The following CDYL2 variants were observed in gnomAD, a reference collection of about 807,000 sequenced individuals.
CDYL2 encodes chromodomain Y-like protein 2.
Under a neutral mutation model 49.4 loss-of-function variants are expected in CDYL2, and 23 were observed. The ratio of observed to expected loss-of-function variants is 0.47; its 90% CI spans 0.34 to 0.66. CDYL2 has a LOEUF of 0.66. CDYL2 is among the 30% of genes least tolerant of loss of function. The pLI is 0.01. For missense variants in CDYL2, 678 were observed against 656.4 expected, an observed-to-expected ratio of 1.03 and a Z score of -0.36; for synonymous variants, 360 against 268.8, an observed-to-expected ratio of 1.34 and a Z score of -3.32.
chr16:80,721,962 T>C (rs915750052), intron 1 of CDYL2, among the ~76,000 whole-genome samples: 5 of 152,196 alleles, frequency 3.3e-5, no homozygotes, highest in African/African-American at 9.7e-5. Flanking sequence ...AGTTCTGGTG[T>C]CTGTTAGCTG....
intron 2 of CDYL2, among the ~76,000 whole-genome samples, chr16:80,664,917 T>A (rs1297343186): frequency 6.6e-6 from 1 of 152,210 alleles, no homozygotes; most frequent in Admixed American, 6.5e-5. Flanking sequence ...AAGGGCTCAG[T>A]AAATGCTGGC....
chr16:80,618,985 C>G (rs1200290991), intron 4 of CDYL2, among the ~76,000 whole-genome samples: 1 of 152,120 alleles, frequency 6.6e-6, no homozygotes, highest in African/African-American at 2.4e-5. Context: ...TTCTGGAGAC[C>G]AGAACTCCAA....
intron 1 of CDYL2, among the ~76,000 whole-genome samples, chr16:80,783,575 G>A (rs1907340497): frequency 6.6e-6 from 1 of 152,042 alleles, no homozygotes; most frequent in Admixed American, 6.5e-5. Flanking sequence ...ATGGAAAAGT[G>A]GAAACAACCT....
chr16:80,763,251 T>G (rs1010816061), intron 1 of CDYL2, among the ~76,000 whole-genome samples: 1 of 152,298 alleles, frequency 6.6e-6, no homozygotes. Flanking sequence ...GAACCACAAG[T>G]AACGAGAATC....
chr16:80,727,646 G>A (rs1178413063), intron 1 of CDYL2, among the ~76,000 whole-genome samples: 4 of 152,226 alleles, frequency 2.6e-5, no homozygotes, highest in African/African-American at 9.6e-5. Flanking sequence ...CTGGGGGCAG[G>A]GCACAGACAA....
intron 1 of CDYL2, among the ~76,000 whole-genome samples, chr16:80,698,962 T>C (rs1432258021): frequency 6.6e-6 from 1 of 151,994 alleles, no homozygotes; most frequent in Admixed American, 6.6e-5. Flanking sequence ...CACAATGAGA[T>C]AACATCTCAC....
intron 3 of CDYL2, chr16:80,627,509 T>A (rs1172738830): frequency 6.6e-6 from 1 of 152,220 alleles, no homozygotes; most frequent in Non-Finnish European, 1.5e-5. Context: ...CTGTTTTTCA[T>A]TTTTAAAAAA....
rs1906630801 is a variant in CDYL2, at chr16:80,612,207, C to T, written c.1218+419G>A. ...CTGGCTCTCTCTTCTCTCCCATTGG[C>T]TGGAAGTGAGGGCACATTTACTGGA... On this transcript the variant is annotated intron_variant, in intron 5 of 6. Coordinates refer to ENST00000570137, the MANE Select transcript of CDYL2 (RefSeq NM_152342.4). The surrounding 1 kb of genome is among the most constrained non-coding windows in gnomAD (Gnocchi z 5.0). Among the ~76,000 whole-genome samples the T allele has an allele frequency of 6.6e-6, 1 of 152,184 alleles. No homozygotes were observed. The highest frequency in any genetic ancestry group is 1.5e-5 in the Non-Finnish European group (1 of 68,028).
chr16:80,722,320 T>A (rs1905024418), intron 1 of CDYL2, among the ~76,000 whole-genome samples: 1 of 152,226 alleles, frequency 6.6e-6, no homozygotes, highest in Non-Finnish European at 1.5e-5. Context: ...GAAAGCTCAC[T>A]AGGTGATTCT....
intron 1 of CDYL2, among the ~76,000 whole-genome samples, chr16:80,799,952 T>C (rs1907876390): frequency 6.6e-6 from 1 of 152,240 alleles, no homozygotes; most frequent in South Asian, 2.1e-4. Context: ...TGCTAGTACA[T>C]GTATTTCTTT....
chr16:80,716,451 T>C (rs534416255), intron 1 of CDYL2, among the ~76,000 whole-genome samples: 57 of 151,552 alleles, frequency 3.8e-4, no homozygotes, highest in African/African-American at 1.4e-3. Context: ...GATGGATGCA[T>C]GGATGGATGA....
intron 1 of CDYL2, among the ~76,000 whole-genome samples, chr16:80,697,584 A>G (rs1035441869): frequency 6.6e-6 from 1 of 152,174 alleles, no homozygotes; most frequent in Non-Finnish European, 1.5e-5. Flanking sequence ...AAATTTCACA[A>G]GATAAAGAAA....
At chr16:80,753,061 A>C (rs1906190170) in intron 1 of CDYL2, among the ~76,000 whole-genome samples, 1 of 152,252 alleles carries the variant, frequency 6.6e-6, no homozygotes, top group Admixed American at 6.5e-5. Context: ...AATGCATGAC[A>C]ACATTAACAC....
At chr16:80,778,938 C>A (rs998847724) in intron 1 of CDYL2, among the ~76,000 whole-genome samples, 1 of 151,948 alleles carries the variant, frequency 6.6e-6, no homozygotes, top group Non-Finnish European at 1.5e-5. Context: ...ATCACAGAGA[C>A]CATATCCCTA....
At chr16:80,676,961 G>GTCTTTTTTTTTTTTTTTTTTTTT (rs1407459686) in intron 2 of CDYL2, among the ~76,000 whole-genome samples, 2 of 110,518 alleles carry the variant, frequency 1.8e-5, no homozygotes, top group African/African-American at 3.4e-5. Context: ...CCAATTCAAT[G>GTCTTTTTTTTTTTTTTTTTTTTT]TATTTTTTTT....
chr16:80,612,663 G>A lies in CDYL2; in HGVS notation c.1181C>T (p.Ser394Phe), dbSNP rs1374078523. Residue 394 changes from serine (S) to phenylalanine (F), a missense_variant, in exon 5 of 7, where the codon TCC (serine) becomes TTC (phenylalanine). Coordinates refer to ENST00000570137, the MANE Select transcript of CDYL2 (RefSeq NM_152342.4). This position sits in a 1 kb window ranked among gnomAD's most constrained non-coding sequence, Gnocchi z 5.0. ...CAGGATCTGGGGGAAGGTGTAGGAG[G>A]AGCAGCCAGCAGGCGTGAGGCGGAT... ...ATIRLTPAGC[S>F]SYTFPQILGV... 2.5e-6 allele frequency: 4 copies of A among 1,612,750 alleles called. No individual in the cohort carries two copies. The East Asian group carries it at 6.7e-5, about 27-fold the overall frequency.
At chr16:80,623,928 C>T (rs1244317912) in intron 3 of CDYL2, among the ~76,000 whole-genome samples, 1 of 152,174 alleles carries the variant, frequency 6.6e-6, no homozygotes, top group Non-Finnish European at 1.5e-5. Context: ...AGATCCTTCT[C>T]CCCTCCCAGA....
intron 2 of CDYL2, among the ~76,000 whole-genome samples, chr16:80,668,553 G>T (rs1008483715): frequency 4.0e-5 from 6 of 151,728 alleles, no homozygotes; most frequent in Non-Finnish European, 8.8e-5. Flanking sequence ...AGTCCCAAAA[G>T]ATCCATAAGG....
At chr16:80,742,562 G>A (rs977262670) in intron 1 of CDYL2, among the ~76,000 whole-genome samples, 1 of 151,882 alleles carries the variant, frequency 6.6e-6, no homozygotes, top group African/African-American at 2.4e-5. Flanking sequence ...TGGGATGAAT[G>A]AGTGGATATA....
Sources: gnomAD v4.1 joint callset for allele counts (sites outside exome capture counted in the v4.1 genomes callset) on GRCh38, gnomAD v4.1.1 for gene constraint, Gnocchi (gnomAD v3.1) non-coding constraint, MANE v1.5 for transcripts, NCBI Gene and HGNC (gene_info 2026-07-23, HGNC 2026-07-21) for gene names.